IKZF2: variants seen among roughly 807,000 people sequenced by gnomAD.
IKZF2 encodes the protein IKAROS family zinc finger 2, also known as zinc finger protein Helios.
IKZF2 carries 15 observed loss-of-function variants against 49.2 expected under a neutral mutation model. That is an observed-to-expected ratio of 0.30 (90% CI 0.20 to 0.47). The LOEUF (loss-of-function observed/expected upper bound fraction) is 0.47. IKZF2 is among the 20% of genes least tolerant of loss of function. The probability of loss-of-function intolerance (pLI) is 1.00; values close to 1 mark genes in which losing one functional copy is unlikely to be tolerated. For synonymous variants in IKZF2, 227 were observed against 221.4 expected, an observed-to-expected ratio of 1.03 and a Z score of -0.23; for missense variants, 567 against 664.6, an observed-to-expected ratio of 0.85 and a Z score of 1.61.
chr2:213,017,479 A>G (rs193235462), intron 7 of IKZF2, among the ~76,000 whole-genome samples: 1 of 152,288 alleles, frequency 6.6e-6, no homozygotes, highest in Non-Finnish European at 1.5e-5. Context: ...TAATTACCAT[A>G]TCACTGAATG....
chr2:213,004,093 A>G lies in IKZF2; in HGVS notation c.*3267T>C, dbSNP rs1161559249. 2.0e-5 allele frequency: 3 copies of G among 151,690 alleles called. No homozygotes were observed. The highest frequency in any genetic ancestry group is 1.3e-4 in the Admixed American group (2 of 15,178). The allele number at this position is 151,690 out of a possible 1,614,324, so 9.4% of individuals were successfully genotyped here. The stretch of plus-strand genomic sequence containing the variant: ...ATTAACTGTCATTTAAATTCTCTGT[A>G]TGTTTTTGCAATACATCTGATCACT... On this transcript the variant is annotated 3_prime_UTR_variant, in exon 9 of 9. Coordinates refer to ENST00000434687, the MANE Select transcript of IKZF2 (RefSeq NM_001387220.1).
chr2:213,009,622 T>C (rs1438655333), intron 8 of IKZF2, among the ~76,000 whole-genome samples: 1 of 152,080 alleles, frequency 6.6e-6, no homozygotes, highest in African/African-American at 2.4e-5. Flanking sequence ...ATATGCAATG[T>C]CAAACATTTC....
At position 213,005,189 on chromosome 2, in the gene IKZF2, G is replaced by C. The variant is rs958089515; in HGVS notation, c.*2171C>G. On this transcript the variant is annotated 3_prime_UTR_variant, in exon 9 of 9. Transcript: ENST00000434687. Reference sequence around the variant, plus strand: ...CCCAATTATTATTTGGGAGTGGTTGGGTGGGGGGGGGTGAGCGAGTCTCAA... The same window carrying C: ...CCCAATTATTATTTGGGAGTGGTTGCGTGGGGGGGGGTGAGCGAGTCTCAA... The C allele has an allele frequency of 5.4e-5, 7 of 129,836 alleles. No individual in the cohort carries two copies. Among genetic ancestry groups the C allele is most frequent in the African/African-American group, 1.9e-4 (7 of 37,342 alleles). 8.0% of individuals were successfully genotyped at this position (129,836 alleles called of 1,614,324 possible). A position where few individuals can be genotyped will look rare whatever the true frequency, so the allele number is the denominator to read the frequency against.
At chr2:213,057,495 CTTAAT>C (rs1393149671) in intron 4 of IKZF2, among the ~76,000 whole-genome samples, 2 of 152,112 alleles carry the variant, frequency 1.3e-5, no homozygotes, top group Admixed American at 6.6e-5. Flanking sequence ...TATGCCTCCT[CTTAAT>C]TTAATGATCA....
chr2:213,055,457 TAAA>T (rs149807404), intron 5 of IKZF2, among the ~76,000 whole-genome samples: 1 of 151,734 alleles, frequency 6.6e-6, no homozygotes, highest in Non-Finnish European at 1.5e-5. Context: ...AAAAAGGAGA[TAAA>T]AAACGAAAAA....
chr2:213,041,565 G>A (rs1414998120), intron 6 of IKZF2, among the ~76,000 whole-genome samples: 1 of 152,116 alleles, frequency 6.6e-6, no homozygotes, highest in African/African-American at 2.4e-5. Context: ...GCCTCCCAAA[G>A]TGTTAGGATT....
chr2:213,128,650 G>C (rs1298751239), intron 4 of IKZF2, among the ~76,000 whole-genome samples: 4 of 151,832 alleles, frequency 2.6e-5, no homozygotes, highest in Non-Finnish European at 4.4e-5. Flanking sequence ...TTTTCAGACA[G>C]AGTCTCACTT....
chr2:213,044,494 C>T (rs1699967429), intron 6 of IKZF2, among the ~76,000 whole-genome samples: 2 of 152,116 alleles, frequency 1.3e-5, no homozygotes, highest in South Asian at 4.1e-4. Context: ...GTTAATGGGA[C>T]AGTAGTGATC....
At position 213,126,327 on chromosome 2, in the gene IKZF2, T is replaced by C. The variant is rs117084899; in HGVS notation, c.139+21381A>G. 9.8e-5 allele frequency among the ~76,000 whole-genome samples: 15 copies of C among 152,314 alleles called. No individual in the cohort carries two copies. In the East Asian group the frequency reaches 2.9e-3, roughly 29 times the overall value. ...TGTTATGTGTGTTGATTTCTGCCTT[T>C]CTTTCTCTAAAATCTAAGCTCCTTT... On this transcript the variant is annotated intron_variant, in intron 4 of 8. Transcript: ENST00000434687.
intron 4 of IKZF2, among the ~76,000 whole-genome samples, chr2:213,143,144 T>A (rs1250098529): frequency 1.3e-5 from 2 of 151,946 alleles, no homozygotes; most frequent in Non-Finnish European, 2.9e-5. Context: ...TATATCAACA[T>A]GTCAAAAGTT....
chr2:213,039,553 TCAA>T (rs1699406907), intron 6 of IKZF2, among the ~76,000 whole-genome samples: 2 of 151,996 alleles, frequency 1.3e-5, no homozygotes, highest in Non-Finnish European at 2.9e-5. Flanking sequence ...GTTGTAAAAA[TCAA>T]CATTCCTAAA....
chr2:213,041,013 G>C (rs921967181), intron 6 of IKZF2, among the ~76,000 whole-genome samples: 1 of 152,026 alleles, frequency 6.6e-6, no homozygotes, highest in African/African-American at 2.4e-5. Flanking sequence ...AGCTACTTGG[G>C]AGGCTGAGGC....
intron 5 of IKZF2, among the ~76,000 whole-genome samples, chr2:213,050,575 A>T (rs1366878984): frequency 3.9e-5 from 6 of 152,068 alleles, no homozygotes; most frequent in Admixed American, 1.3e-4. Context: ...TAATAGTAAA[A>T]CCTTTAGCAA....
intron 4 of IKZF2, among the ~76,000 whole-genome samples, chr2:213,098,601 G>T (rs561237857): frequency 2.0e-5 from 3 of 152,006 alleles, no homozygotes. Flanking sequence ...ATTACTTTTT[G>T]CCATATATAA....
At chr2:213,008,680 T>G (rs1174807822) in intron 8 of IKZF2, among the ~76,000 whole-genome samples, 1 of 152,136 alleles carries the variant, frequency 6.6e-6, no homozygotes, top group Non-Finnish European at 1.5e-5. Context: ...AATTCTCACT[T>G]GAATAGAGCT....
intron 4 of IKZF2, among the ~76,000 whole-genome samples, chr2:213,109,050 T>C (rs939894140): frequency 6.6e-6 from 1 of 152,144 alleles, no homozygotes; most frequent in Admixed American, 6.6e-5. Flanking sequence ...TTAAAGCACA[T>C]GGTTTTTAAC....
chr2:213,119,665 A>G (rs1221168502), intron 4 of IKZF2, among the ~76,000 whole-genome samples: 1 of 152,276 alleles, frequency 6.6e-6, no homozygotes, highest in African/African-American at 2.4e-5. Context: ...GTCAGCTCTG[A>G]GTTATAAGAA....
At chr2:213,018,666 G>C (rs1288408499) in intron 7 of IKZF2, among the ~76,000 whole-genome samples, 1 of 152,158 alleles carries the variant, frequency 6.6e-6, no homozygotes, top group African/African-American at 2.4e-5. Flanking sequence ...TAGCTTAGCA[G>C]AGAAGACTCT....
chr2:213,105,674 T>G (rs1165616346), intron 4 of IKZF2, among the ~76,000 whole-genome samples: 1 of 151,966 alleles, frequency 6.6e-6, no homozygotes, highest in Non-Finnish European at 1.5e-5. Flanking sequence ...GTGACCAAAA[T>G]CAAAACACAA....
Sources: gnomAD v4.1 joint callset for allele counts (sites outside exome capture counted in the v4.1 genomes callset) on GRCh38, gnomAD v4.1.1 for gene constraint, MANE v1.5 for transcripts, NCBI Gene and HGNC (gene_info 2026-07-23, HGNC 2026-07-21) for gene names.